Variants in FBXO38 observed in about 807,000 individuals in gnomAD.
FBXO38 encodes F-box only protein 38.
A neutral mutation model predicts 131.9 loss-of-function variants in FBXO38; 53 were observed. The ratio of observed to expected loss-of-function variants is 0.40; its 90% confidence interval spans 0.32 to 0.51. The LOEUF (loss-of-function observed/expected upper bound fraction) is 0.51, where lower values mean the gene tolerates loss of function less well. Among genes scored for constraint, FBXO38 ranks in the 20% least tolerant of loss-of-function variants. The probability of loss-of-function intolerance (pLI) is 0.53; values close to 1 mark genes in which losing one functional copy is unlikely to be tolerated. For missense variants in FBXO38, 1,076 were observed against 1,475.6 expected (o/e 0.73, Z 4.44); for synonymous variants, 452 against 505.6 (o/e 0.89, Z 1.42).
intron 17 of FBXO38, among the ~76,000 whole-genome samples, chr5:148,437,425 G>A (rs1388190116): frequency 6.6e-6 from 1 of 152,190 alleles, no homozygotes; most frequent in Admixed American, 6.5e-5. Flanking sequence ...GAACGTGAGA[G>A]GCGGGAGTCT....
chr5:148,423,689 G>A (rs1753563206), intron 12 of FBXO38: 1 of 193,834 alleles, frequency 5.2e-6, no homozygotes, highest in African/African-American at 2.3e-5. Context: ...ACATTAATCT[G>A]AATGGCATCT....
At chr5:148,386,665 A>G (rs995296104) in intron 1 of FBXO38, among the ~76,000 whole-genome samples, 11 of 152,140 alleles carry the variant, frequency 7.2e-5, no homozygotes, top group African/African-American at 2.7e-4. Flanking sequence ...TGCTAAGCCT[A>G]TAGGTAACAC....
At chr5:148,410,404 A>C (rs570344766) in intron 8 of FBXO38, 1 of 519,440 alleles carries the variant, frequency 1.9e-6, no homozygotes, top group Admixed American at 3.9e-5. Flanking sequence ...CAAAAATGTG[A>C]CTTGCTGCCA....
intron 7 of FBXO38, 137 bp downstream of exon 7, chr5:148,406,531 G>A: frequency 1.5e-6 from 1 of 657,780 alleles, no homozygotes; most frequent in Non-Finnish European, 2.5e-6. Context: ...GTATTTGATG[G>A]ACAGTAAGTA....
chr5:148,423,171 T>C (rs907311016), intron 12 of FBXO38, among the ~76,000 whole-genome samples: 1 of 152,196 alleles, frequency 6.6e-6, no homozygotes, highest in Non-Finnish European at 1.5e-5. Context: ...CCTTATTCTA[T>C]GTGTCTAACA....
At chr5:148,432,430 G>C (rs1381177869) in intron 15 of FBXO38, among the ~76,000 whole-genome samples, 1 of 152,202 alleles carries the variant, frequency 6.6e-6, no homozygotes, top group African/African-American at 2.4e-5. Context: ...TTCTAGCTTA[G>C]TGACTGGTGC....
Position 148,427,965 on chromosome 5 carries a change from G to C in FBXO38, c.2653+18G>C, listed in dbSNP as rs1245401604. ...TGAGTCAGGTATGACAATGCTCCTA[G>C]GATTAGCAACTGCAGGGTAGGGCTG... On this transcript the variant is annotated intron_variant, in intron 15 of 21. Coordinates refer to ENST00000340253, the MANE Select transcript of FBXO38 (RefSeq NM_205836.3). The C allele has an allele frequency of 2.7e-6, 4 of 1,487,308 alleles. No individual in the cohort carries two copies. The highest frequency in any genetic ancestry group is 3.6e-6 in the Non-Finnish European group (4 of 1,117,740). 92.1% of individuals were successfully genotyped at this position (1,487,308 alleles called of 1,614,324 possible).
Position 148,425,576 on chromosome 5 carries a change from C to T in FBXO38, c.1793C>T (p.Ser598Leu). 1 of 1,613,426 alleles carries T rather than the reference C, an allele frequency of 6.2e-7. No homozygotes were observed. The highest frequency in any genetic ancestry group is 1.6e-4 in the Middle Eastern group (1 of 6,062). ...VKPTSITVHD[S>L]ESDDEEDSLE... ...CCAACCTCAATTACTGTTCATGATT[C>T]AGAGAGTGATGATGAAGAAGATAGT... is the stretch of plus-strand genomic sequence containing the variant. The change falls in exon 14 of 22, where the codon TCA (serine) becomes TTA (leucine). Residue 598 changes from serine to leucine, a missense_variant. Transcript: ENST00000340253.
Position 148,406,506 on chromosome 5 carries a change from A to G in FBXO38, c.868+112A>G, listed in dbSNP as rs1053030287. The G allele has an allele frequency of 4.9e-6, 4 of 824,476 alleles. No individual in the cohort carries two copies. The Admixed American group carries it at 1.4e-4, about 29-fold the overall frequency. 51.1% of individuals were successfully genotyped at this position (824,476 alleles called of 1,614,324 possible). A position where few individuals can be genotyped will look rare whatever the true frequency, so the allele number is the denominator to read the frequency against. ...TTTAAAAAGAAAATGCTCGTCAGTA[A>G]CTGCTTTCTTTGTTGTATTTGATGG... On this transcript the variant is annotated intron_variant, in intron 7 of 21. Coordinates refer to ENST00000340253, the MANE Select transcript of FBXO38 (RefSeq NM_205836.3).
intron 11 of FBXO38, 142 bp downstream of exon 11, chr5:148,416,212 G>A: frequency 2.8e-6 from 2 of 712,816 alleles, no homozygotes; most frequent in Non-Finnish European, 4.4e-6. Flanking sequence ...CTCAGTGAAG[G>A]CATAAAGGTT....
At position 148,401,941 on chromosome 5, in the gene FBXO38, A is replaced by G. The variant is rs776366648; in HGVS notation, c.263-41A>G. On this transcript the variant is annotated intron_variant, in intron 3 of 21. Transcript: ENST00000340253. ...GAGTGCCTAGTAAATGTTAATGAAC[A>G]GAAAGATGAACCTGGCTCTAAATAC... The G allele has an allele frequency of 3.3e-6, 5 of 1,536,946 alleles. No homozygotes were observed. In the South Asian group the frequency reaches 6.2e-5, roughly 19 times the overall value.
At position 148,427,332 on chromosome 5, in the gene FBXO38, C is replaced by G; in HGVS notation, c.2038C>G (p.Gln680Glu). ...CEKGCQVTSE[Q>E]IKADMKAARD... ...GAAAGGCTGTCAGGTCACCAGTGAG[C>G]AGATCAAAGCCGATATGAAAGCAGC... The change falls in exon 15 of 22, where the codon CAG (glutamine) becomes GAG (glutamate). Residue 680 changes from glutamine (Q) to glutamate (E), a missense_variant. Coordinates refer to ENST00000340253, the MANE Select transcript of FBXO38 (RefSeq NM_205836.3). The G allele has an allele frequency of 6.2e-7, 1 of 1,614,036 alleles. No homozygotes were observed. The highest frequency in any genetic ancestry group is 8.5e-7 in the Non-Finnish European group (1 of 1,180,006).
chr5:148,433,285 A>G (rs930398615), intron 15 of FBXO38, 139 bp from the exon 16 acceptor site: 11 of 616,664 alleles, frequency 1.8e-5, no homozygotes, highest in African/African-American at 1.3e-4. Flanking sequence ...GGAAATACCA[A>G]TGTAACTGTA....
In FBXO38 at chr5:148,409,229, C is replaced by G. The variant is rs758680515; in HGVS notation, c.962+12C>G. On this transcript the variant is annotated intron_variant, in intron 8 of 21. Transcript: ENST00000340253. ...ACTGCTGCCCGTAGGTATGTTTCCTCTTTGTATTGTGTCTCTCACTTTAGA... is the reference window on the plus strand; with the variant it reads ...ACTGCTGCCCGTAGGTATGTTTCCTGTTTGTATTGTGTCTCTCACTTTAGA... 5 of 1,520,902 alleles carry G rather than the reference C, an allele frequency of 3.3e-6. No homozygotes were observed. The African/African-American group carries it at 4.1e-5, about 13-fold the overall frequency. The allele number at this position is 1,520,902 out of a possible 1,614,324, so 94.2% of individuals were successfully genotyped here.
In FBXO38 at chr5:148,419,236, A is replaced by T. The variant is rs570682249; in HGVS notation, c.1618+2032A>T. Among the ~76,000 whole-genome samples the T allele has an allele frequency of 6.6e-5, 10 of 152,364 alleles. 2 individuals carry two copies. The highest frequency in any genetic ancestry group is 2.4e-4 in the African/African-American group (10 of 41,594). ...AGGAAGCCTAAGAAAACCAGAGGCA[A>T]TGGCTGCATTTGTAGAGAAATGAAG... On this transcript the variant is annotated intron_variant, in intron 12 of 21. Transcript: ENST00000340253.
At position 148,433,641 on chromosome 5, in the gene FBXO38, G is replaced by A. The variant is rs752084209; in HGVS notation, c.2761G>A (p.Val921Ile). The change falls in exon 17 of 22, where the codon GTA becomes ATA. Residue 921 changes from valine (V) to isoleucine (I), a missense_variant. Physicochemically the swap from Val to Ile is conservative, Grantham distance 29. Transcript: ENST00000340253. ...CTAATTTTTCTGCTTGTAGGTTCTTGTATTAAAATCCAAGAATCTTGTTGG... is the reference window on the plus strand; with the variant it reads ...CTAATTTTTCTGCTTGTAGGTTCTTATATTAAAATCCAAGAATCTTGTTGG... ...VIEDDHVQVLVLKSKNLVGVT... is the reference protein window; with the variant it reads ...VIEDDHVQVLILKSKNLVGVT... The A allele has an allele frequency of 1.9e-6, 3 of 1,598,378 alleles. No individual in the cohort carries two copies. Among genetic ancestry groups the A allele is most frequent in the South Asian group, 2.3e-5 (2 of 87,504 alleles).
At chr5:148,391,805 A>G (rs1447175125) in intron 1 of FBXO38, among the ~76,000 whole-genome samples, 10 of 152,176 alleles carry the variant, frequency 6.6e-5, no homozygotes, top group African/African-American at 2.2e-4. Context: ...GAAAAGTAAA[A>G]GTTTTTTTCT....
At chr5:148,425,223 T>C (rs1325573204) in intron 13 of FBXO38, among the ~76,000 whole-genome samples, 2 of 152,232 alleles carry the variant, frequency 1.3e-5, no homozygotes, top group East Asian at 3.9e-4. Flanking sequence ...TTTATGATAC[T>C]CTTTGAAATA....
intron 5 of FBXO38, among the ~76,000 whole-genome samples, chr5:148,403,852 T>C (rs908880497): frequency 3.3e-5 from 5 of 152,224 alleles, no homozygotes; most frequent in Admixed American, 1.3e-4. Flanking sequence ...TTTTGCCAAC[T>C]ACTGTTTGTT....
Sources: gnomAD v4.1 joint callset for allele counts (sites outside exome capture counted in the v4.1 genomes callset) on GRCh38, gnomAD v4.1.1 for gene constraint, MANE v1.5 for transcripts, NCBI Gene and HGNC (gene_info 2026-07-23, HGNC 2026-07-21) for gene names.